Variants in GNAO1 observed in about 807,000 individuals in gnomAD.
The protein encoded by GNAO1 is guanine nucleotide-binding protein G(o) subunit alpha.
For missense variants in GNAO1, 166 were observed against 478.7 expected, an observed-to-expected ratio of 0.35 and a Z score of 6.10; for synonymous variants, 164 against 180.7, an observed-to-expected ratio of 0.91 and a Z score of 0.74.
chr16:56,234,250 C>G (rs956662242), intron 2 of GNAO1, among the ~76,000 whole-genome samples: 2 of 152,242 alleles, frequency 1.3e-5, no homozygotes, highest in Admixed American at 1.3e-4. Flanking sequence ...GTGGGAAAAC[C>G]CAGTAGCCAC....
Position 56,342,116 on chromosome 16 carries a change from A to G in GNAO1, c.723+5256A>G, listed in dbSNP as rs910589955. ...CTCCCAGCCAGCTTCCTCTCTAGCCATAGTTGAGGGCCTGTGGATCCTGCC... is the reference window on the plus strand; with the variant it reads ...CTCCCAGCCAGCTTCCTCTCTAGCCGTAGTTGAGGGCCTGTGGATCCTGCC... On this transcript the variant is annotated intron_variant, in intron 6 of 8. Transcript: ENST00000262493. Among the ~76,000 whole-genome samples, 13 of 152,226 alleles carry G rather than the reference A, an allele frequency of 8.5e-5. No homozygotes were observed. The South Asian group carries it at 1.7e-3, about 19-fold the overall frequency.
intron 2 of GNAO1, among the ~76,000 whole-genome samples, chr16:56,196,944 C>G (rs562247639): frequency 4.1e-4 from 62 of 152,312 alleles, no homozygotes; most frequent in Non-Finnish European, 7.8e-4. Flanking sequence ...AAAAGGTCAC[C>G]TGTCACCAAA....
At chr16:56,323,288 ATTAAGT>A (rs1282358156) in intron 3 of GNAO1, among the ~76,000 whole-genome samples, 3 of 152,208 alleles carry the variant, frequency 2.0e-5, no homozygotes, top group Admixed American at 2.0e-4. Flanking sequence ...ACCCATTATG[ATTAAGT>A]TTAACTGAAT....
chr16:56,303,058 C>A (rs529456780), intron 3 of GNAO1, among the ~76,000 whole-genome samples: 1 of 152,206 alleles, frequency 6.6e-6, no homozygotes, highest in East Asian at 1.9e-4. Context: ...GTTCTCTCCC[C>A]GGCCTGAAAC....
chr16:56,207,027 TA>T (rs1567437990), intron 2 of GNAO1, among the ~76,000 whole-genome samples: 1 of 152,272 alleles, frequency 6.6e-6, no homozygotes, highest in African/African-American at 2.4e-5. Flanking sequence ...GGAGATGGCT[TA>T]TTACATATTA....
chr16:56,317,702 A>AG (rs2037526038), intron 3 of GNAO1, among the ~76,000 whole-genome samples: 1 of 152,126 alleles, frequency 6.6e-6, no homozygotes, highest in African/African-American at 2.4e-5. Flanking sequence ...TAGGTGGTGC[A>AG]GGATGTGTGG....
At chr16:56,218,233 G>A (rs1187626848) in intron 2 of GNAO1, among the ~76,000 whole-genome samples, 1 of 152,174 alleles carries the variant, frequency 6.6e-6, no homozygotes, top group Non-Finnish European at 1.5e-5. Flanking sequence ...ATTGTACTGA[G>A]TAGAGCTGCT....
At chr16:56,323,585 C>T (rs1413076440) in intron 3 of GNAO1, among the ~76,000 whole-genome samples, 1 of 152,000 alleles carries the variant, frequency 6.6e-6, no homozygotes, top group East Asian at 1.9e-4. Flanking sequence ...AACAACCTTT[C>T]CTGAGGCCTT....
chr16:56,278,163 G>T (rs2037081209), intron 3 of GNAO1, among the ~76,000 whole-genome samples: 1 of 152,212 alleles, frequency 6.6e-6, no homozygotes, highest in Non-Finnish European at 1.5e-5. Flanking sequence ...TAGGAAGGAG[G>T]GGAAGGCTCC....
intron 3 of GNAO1, among the ~76,000 whole-genome samples, chr16:56,286,068 G>A (rs1266910200): frequency 6.6e-6 from 1 of 152,196 alleles, no homozygotes; most frequent in Non-Finnish European, 1.5e-5. Context: ...GGCTGTGTGG[G>A]GTGGGGACAG....
intron 2 of GNAO1, among the ~76,000 whole-genome samples, chr16:56,267,819 A>AGGT (rs1406814658): frequency 1.3e-5 from 2 of 152,186 alleles, no homozygotes; most frequent in African/African-American, 4.8e-5. Flanking sequence ...GGCACCTAGT[A>AGGT]GGTATGCAAA....
intron 2 of GNAO1, among the ~76,000 whole-genome samples, chr16:56,216,879 C>G (rs1380233684): frequency 1.3e-5 from 2 of 152,160 alleles, no homozygotes; most frequent in Non-Finnish European, 2.9e-5. Flanking sequence ...CCCCTTGGTG[C>G]CTCAGTTTCT....
intron 2 of GNAO1, among the ~76,000 whole-genome samples, chr16:56,246,115 G>C (rs554633007): frequency 6.6e-6 from 1 of 152,246 alleles, no homozygotes; most frequent in South Asian, 2.1e-4. Context: ...CCTGCTGCCT[G>C]AGCTGCTGCC....
At chr16:56,235,607 A>G (rs932366485) in intron 2 of GNAO1, among the ~76,000 whole-genome samples, 14 of 152,190 alleles carry the variant, frequency 9.2e-5, no homozygotes, top group Non-Finnish European at 1.5e-4. Context: ...TTCATTTAAC[A>G]TGGGACTTGG....
chr16:56,231,222 G>A (rs1183971424), intron 2 of GNAO1, among the ~76,000 whole-genome samples: 1 of 152,142 alleles, frequency 6.6e-6, no homozygotes, highest in East Asian at 1.9e-4. Context: ...ACCTTGACTG[G>A]CAACTCACCT....
intron 6 of GNAO1, chr16:56,344,000 C>A (rs377000660): frequency 5.7e-4 from 917 of 1,598,438 alleles, no homozygotes; most frequent in African/African-American, 1.2e-3. Context: ...TGCCGCCCCC[C>A]CTCCCCTGGA....
In GNAO1 at chr16:56,311,763, C is replaced by T. The variant is rs1201461610; in HGVS notation, c.304-16868C>T. 2.0e-5 allele frequency among the ~76,000 whole-genome samples: 3 copies of T among 152,082 alleles called. No homozygotes were observed. The highest frequency in any genetic ancestry group is 4.4e-5 in the Non-Finnish European group (3 of 67,994). On this transcript the variant is annotated intron_variant, in intron 3 of 8. Coordinates refer to ENST00000262493, the MANE Select transcript of GNAO1 (RefSeq NM_020988.3). This position sits in a 1 kb window ranked among gnomAD's most constrained non-coding sequence, Gnocchi z 5.2. ...GCCCTGGCTCCACTGGGCTGTCCAC[C>T]TCCTGCCCCGCCCAGCACGGCCCGC...
intron 3 of GNAO1, among the ~76,000 whole-genome samples, chr16:56,284,548 A>G (rs1404705452): frequency 6.6e-6 from 1 of 152,198 alleles, no homozygotes; most frequent in East Asian, 1.9e-4. Flanking sequence ...GATTTTTGAA[A>G]TGTCTCTTAG....
At chr16:56,256,165 G>A (rs1488629865) in intron 2 of GNAO1, among the ~76,000 whole-genome samples, 1 of 152,144 alleles carries the variant, frequency 6.6e-6, no homozygotes, top group Non-Finnish European at 1.5e-5. Context: ...TGGTGGGAGT[G>A]GAGCTGTCCT....
Sources: allele counts gnomAD v4.1 joint callset (sites outside exome capture counted in the v4.1 genomes callset), GRCh38; gene constraint gnomAD v4.1.1; non-coding constraint Gnocchi (gnomAD v3.1); transcripts MANE v1.5; gene names NCBI Gene and HGNC (gene_info 2026-07-23, HGNC 2026-07-21).